ARID1B: variants seen among roughly 807,000 people sequenced by gnomAD.
ARID1B encodes AT-rich interaction domain 1B.
In ARID1B, 30 loss-of-function variants were observed where a neutral mutation model predicts 212.3. That is an observed-to-expected ratio of 0.14 (90% CI 0.11 to 0.19). The LOEUF is 0.19. Among genes scored for constraint, ARID1B ranks in the 10% least tolerant of loss-of-function variants. ARID1B has a pLI of 1.00. For synonymous variants in ARID1B, 1,402 were observed against 1,301.7 expected (o/e 1.08, Z -1.66); for missense variants, 2,891 against 3,204.0 (o/e 0.90, Z 2.36).
intron 4 of ARID1B, among the ~76,000 whole-genome samples, chr6:156,945,876 G>A (rs1004984693): frequency 5.3e-5 from 8 of 151,556 alleles, no homozygotes; most frequent in Non-Finnish European, 1.5e-5. Flanking sequence ...GGTGTGGTAG[G>A]GCATGCCTGT....
At chr6:156,886,288 G>GT (rs1787492880) in intron 2 of ARID1B, among the ~76,000 whole-genome samples, 1 of 152,202 alleles carries the variant, frequency 6.6e-6, no homozygotes, top group African/African-American at 2.4e-5. Context: ...CGCCTCCTGG[G>GT]TTTAAGTGAT....
chr6:156,928,022 A>G (rs1791368500), intron 3 of ARID1B, among the ~76,000 whole-genome samples: 1 of 152,024 alleles, frequency 6.6e-6, no homozygotes, highest in African/African-American at 2.4e-5. Context: ...GACAGTAAGG[A>G]GGAGGAAGGG....
intron 2 of ARID1B, among the ~76,000 whole-genome samples, chr6:156,885,646 A>C (rs894807296): frequency 6.6e-6 from 1 of 152,166 alleles, no homozygotes; most frequent in Non-Finnish European, 1.5e-5. Context: ...AAGGGAAATA[A>C]CTGAATTATT....
At chr6:157,161,359 C>T (rs938749964) in intron 8 of ARID1B, among the ~76,000 whole-genome samples, 46 of 151,854 alleles carry the variant, frequency 3.0e-4, no homozygotes, top group African/African-American at 1.1e-3. Flanking sequence ...GTTGCAGGCA[C>T]GCTGGTGGAT....
chr6:156,959,813 G>A (rs1036171702), intron 4 of ARID1B, among the ~76,000 whole-genome samples: 2 of 152,058 alleles, frequency 1.3e-5, no homozygotes, highest in Non-Finnish European at 2.9e-5. Flanking sequence ...CTTTCGATCC[G>A]TGGTGGCAGG....
At chr6:156,929,215 T>C (rs2128253461) in intron 3 of ARID1B, among the ~76,000 whole-genome samples, 1 of 152,314 alleles carries the variant, frequency 6.6e-6, no homozygotes, top group South Asian at 2.1e-4. Flanking sequence ...CTTGCGAATA[T>C]GAGCTGTCAG....
intron 6 of ARID1B, among the ~76,000 whole-genome samples, chr6:157,129,104 A>G (rs1453455790): frequency 6.6e-6 from 1 of 152,264 alleles, no homozygotes; most frequent in Non-Finnish European, 1.5e-5. Flanking sequence ...TTGGGAGTTT[A>G]TAAACCAAAC....
chr6:157,100,523 A>G (rs1318549700), intron 5 of ARID1B, among the ~76,000 whole-genome samples: 1 of 152,230 alleles, frequency 6.6e-6, no homozygotes, highest in Non-Finnish European at 1.5e-5. Flanking sequence ...TGAAATAGAA[A>G]ACACTGAACA....
At chr6:157,186,046 G>A (rs903555298) in intron 13 of ARID1B, 1 of 154,248 alleles carries the variant, frequency 6.5e-6, no homozygotes, top group African/African-American at 2.4e-5. Context: ...AAACCCAGTG[G>A]GGCGTAGGGA....
At chr6:157,147,893 A>G (rs1187326062) in intron 7 of ARID1B, among the ~76,000 whole-genome samples, 1 of 71,468 alleles carries the variant, frequency 1.4e-5, no homozygotes, top group Non-Finnish European at 2.6e-5. Context: ...TCCGTCCCTC[A>G]CCTCCGCCTC....
chr6:156,987,151 C>T lies in ARID1B; in HGVS notation c.2247+51575C>T, dbSNP rs889516620. Among the ~76,000 whole-genome samples, 27 of 131,662 alleles carry T rather than the reference C, an allele frequency of 2.1e-4. 1 individual carries two copies. Among genetic ancestry groups the T allele is most frequent in the Non-Finnish European group, 1.6e-5 (1 of 62,370 alleles). The allele number at this position is 131,662 out of a possible 152,430, so 86.4% of individuals were successfully genotyped here. A position where few individuals can be genotyped will look rare whatever the true frequency, so the allele number is the denominator to read the frequency against. Reference sequence around the variant, plus strand: ...TGTGATACTGCCACTTCACTGTAGCCTCGGTGACAGAGAGAGAGAGAGAGA... The same window carrying T: ...TGTGATACTGCCACTTCACTGTAGCTTCGGTGACAGAGAGAGAGAGAGAGA... On this transcript the variant is annotated intron_variant, in intron 4 of 19. Coordinates refer to ENST00000636930, the MANE Select transcript of ARID1B (RefSeq NM_001374828.1).
intron 4 of ARID1B, among the ~76,000 whole-genome samples, chr6:157,055,968 AT>A (rs1782931210): frequency 6.6e-6 from 1 of 152,140 alleles, no homozygotes; most frequent in South Asian, 2.1e-4. Flanking sequence ...TTTGCATTCA[AT>A]CTCTCCCACC....
chr6:156,948,098 C>T (rs1489610460), intron 4 of ARID1B, among the ~76,000 whole-genome samples: 1 of 152,176 alleles, frequency 6.6e-6, no homozygotes, highest in Non-Finnish European at 1.5e-5. Context: ...AAAACAGTCT[C>T]TCCTTTTAAA....
chr6:156,779,440 G>A lies in ARID1B; in HGVS notation c.1760G>A (p.Gly587Asp), dbSNP rs1226692763. 1.4e-6 allele frequency: 2 copies of A among 1,463,278 alleles called. No homozygotes were observed. Among genetic ancestry groups the A allele is most frequent in the Non-Finnish European group, 9.1e-7 (1 of 1,104,844 alleles). 90.6% of individuals were successfully genotyped at this position (1,463,278 alleles called of 1,614,324 possible). A position where few individuals can be genotyped will look rare whatever the true frequency, so the allele number is the denominator to read the frequency against. Residue 587 changes from glycine (G) to aspartate (D), a missense_variant, in exon 1 of 20, where the codon GGC becomes GAC. Gly to Asp is a moderately conservative substitution (Grantham distance 94). Around this residue, in one of 7 missense-constraint regions of ARID1B, gnomAD observed 1,643 missense variants for 1,544.0 expected, o/e 1.06. Coordinates refer to ENST00000636930, the MANE Select transcript of ARID1B (RefSeq NM_001374828.1). ...AGGAGTCACCCGGCGATGAGCCCCG[G>A]CACCCCCGGACCGACCATGGGCAGA... ...QQRSHPAMSP[G>D]TPGPTMGRSQ...
At chr6:157,015,852 A>G (rs73581919) in intron 4 of ARID1B, among the ~76,000 whole-genome samples, 2,445 of 152,338 alleles carry the variant, frequency 0.016, 74 homozygotes, top group African/African-American at 0.056. Context: ...CCACTGCTAC[A>G]TACATCCCCC....
At chr6:156,794,460 A>G (rs984306217) in intron 1 of ARID1B, among the ~76,000 whole-genome samples, 4 of 151,620 alleles carry the variant, frequency 2.6e-5, no homozygotes, top group Non-Finnish European at 1.5e-5. Flanking sequence ...TGTGTTGCCC[A>G]GGCTGGTCTC....
intron 3 of ARID1B, among the ~76,000 whole-genome samples, chr6:156,921,980 C>G (rs1790840861): frequency 6.6e-6 from 1 of 152,042 alleles, no homozygotes; most frequent in Non-Finnish European, 1.5e-5. Flanking sequence ...GCAAGACAGG[C>G]TTTTGAGGCA....
chr6:157,058,866 G>A (rs1481241474), intron 4 of ARID1B, among the ~76,000 whole-genome samples: 12 of 152,174 alleles, frequency 7.9e-5, no homozygotes, highest in African/African-American at 2.4e-4. Context: ...CGTGGTCTGG[G>A]GTGATCAGGC....
intron 1 of ARID1B, 71 bp from the exon 2 acceptor site, chr6:156,829,156 G>A: frequency 7.7e-7 from 1 of 1,293,306 alleles, no homozygotes; most frequent in Non-Finnish European, 1.1e-6. Flanking sequence ...TGCATATGTT[G>A]ACATAACACA....
Sources: allele counts gnomAD v4.1 joint callset (sites outside exome capture counted in the v4.1 genomes callset), GRCh38; gene constraint gnomAD v4.1.1; regional missense constraint gnomAD v4.1.1; transcripts MANE v1.5; gene names NCBI Gene and HGNC (gene_info 2026-07-23, HGNC 2026-07-21).